Variants in GRIN2B observed in about 807,000 individuals in gnomAD.
GRIN2B encodes glutamate ionotropic receptor NMDA type subunit 2B.
Under a neutral mutation model 114.5 loss-of-function variants are expected in GRIN2B, and 5 were observed. The ratio of observed to expected loss-of-function variants is 0.04; its 90% confidence interval spans 0.02 to 0.09. GRIN2B has a LOEUF of 0.09. Ranked by LOEUF, GRIN2B falls within the 10% of genes least tolerant of loss-of-function variation. The probability of loss-of-function intolerance (pLI) is 1.00; values close to 1 mark genes in which losing one functional copy is unlikely to be tolerated. For synonymous variants in GRIN2B, 787 were observed against 745.1 expected (o/e 1.06, Z -0.92); for missense variants, 1,108 against 1,943.5 (o/e 0.57, Z 8.08).
At chr12:13,907,815 C>G (rs1176286916) in intron 2 of GRIN2B, among the ~76,000 whole-genome samples, 1 of 151,870 alleles carries the variant, frequency 6.6e-6, no homozygotes, top group African/African-American at 2.4e-5. Context: ...TGAACAAGAG[C>G]TCAAGACATG....
intron 10 of GRIN2B, among the ~76,000 whole-genome samples, chr12:13,606,691 G>A (rs1949253605): frequency 6.6e-6 from 1 of 152,144 alleles, no homozygotes; most frequent in African/African-American, 2.4e-5. Context: ...TACAGAAACA[G>A]TCACCAAAAG....
At chr12:13,719,529 A>G (rs1461318606) in intron 4 of GRIN2B, among the ~76,000 whole-genome samples, 1 of 152,072 alleles carries the variant, frequency 6.6e-6, no homozygotes, top group African/African-American at 2.4e-5. Flanking sequence ...AACACTGATT[A>G]CCACCATGAG....
At chr12:13,820,913 T>A (rs1864922402) in intron 3 of GRIN2B, among the ~76,000 whole-genome samples, 1 of 152,164 alleles carries the variant, frequency 6.6e-6, no homozygotes, top group African/African-American at 2.4e-5. Flanking sequence ...TTCCCCCTTT[T>A]GAATTCTACT....
chr12:13,567,913 A>ATCT (rs1210612064), intron 12 of GRIN2B, among the ~76,000 whole-genome samples: 6 of 152,172 alleles, frequency 3.9e-5, no homozygotes, highest in East Asian at 1.9e-4. Flanking sequence ...GACAGTGGGG[A>ATCT]ATAACATAAT....
At chr12:13,873,839 G>T (rs1933434260) in intron 2 of GRIN2B, among the ~76,000 whole-genome samples, 1 of 152,176 alleles carries the variant, frequency 6.6e-6, no homozygotes, top group Admixed American at 6.5e-5. Flanking sequence ...TAGTCCTGCA[G>T]AGAATTAACC....
intron 3 of GRIN2B, among the ~76,000 whole-genome samples, chr12:13,838,211 C>T (rs1377249277): frequency 4.6e-5 from 7 of 152,096 alleles, no homozygotes; most frequent in Admixed American, 2.0e-4. Context: ...GTTTAACAAA[C>T]ACTACTTAAA....
intron 2 of GRIN2B, among the ~76,000 whole-genome samples, chr12:13,866,582 G>C (rs1276877500): frequency 6.6e-6 from 1 of 152,280 alleles, no homozygotes; most frequent in East Asian, 1.9e-4. Flanking sequence ...CCCTTGTACT[G>C]TTCTTGGGCT....
intron 2 of GRIN2B, among the ~76,000 whole-genome samples, chr12:13,869,195 T>C (rs1473991020): frequency 1.3e-5 from 2 of 152,164 alleles, no homozygotes; most frequent in Admixed American, 6.5e-5. Flanking sequence ...TCAGTAATTA[T>C]TGAGCACTTA....
intron 4 of GRIN2B, among the ~76,000 whole-genome samples, chr12:13,694,688 T>TATAA: frequency 7.8e-6 from 1 of 128,704 alleles, no homozygotes; most frequent in Admixed American, 7.8e-5. Context: ...TATATATATA[T>TATAA]ATATATATAT....
At chr12:13,668,005 TA>T (rs1949993352) in intron 5 of GRIN2B, among the ~76,000 whole-genome samples, 1 of 152,146 alleles carries the variant, frequency 6.6e-6, no homozygotes, top group African/African-American at 2.4e-5. Context: ...AAAAGCATTG[TA>T]AAATAAAAAT....
rs145757547 is a variant in GRIN2B, at chr12:13,678,223, T to C, written c.1011-2364A>G. Among the ~76,000 whole-genome samples the C allele has an allele frequency of 4.7e-3, 711 of 152,294 alleles. 7 individuals are homozygous for C. Among genetic ancestry groups the C allele is most frequent in the African/African-American group, 0.016 (674 of 41,576 alleles). On this transcript the variant is annotated intron_variant, in intron 4 of 13. Coordinates refer to ENST00000609686, the MANE Select transcript of GRIN2B (RefSeq NM_000834.5). Reference sequence around the variant, plus strand: ...TGAACATTGCTAAGTGAAAATGCTATATAAACTGCATGCATTTTACAAATG... The same window carrying C: ...TGAACATTGCTAAGTGAAAATGCTACATAAACTGCATGCATTTTACAAATG...
intron 10 of GRIN2B, among the ~76,000 whole-genome samples, chr12:13,599,343 G>A (rs1949122200): frequency 6.6e-6 from 1 of 152,080 alleles, no homozygotes; most frequent in African/African-American, 2.4e-5. Flanking sequence ...TTCCACTCTT[G>A]CCACCATTAC....
At chr12:13,698,500 T>G (rs1169026671) in intron 4 of GRIN2B, among the ~76,000 whole-genome samples, 1 of 152,034 alleles carries the variant, frequency 6.6e-6, no homozygotes, top group Non-Finnish European at 1.5e-5. Flanking sequence ...TGGCAGAAAA[T>G]ATTCAAAAAA....
intron 3 of GRIN2B, among the ~76,000 whole-genome samples, chr12:13,778,024 G>A (rs897958910): frequency 1.3e-5 from 2 of 152,174 alleles, no homozygotes; most frequent in African/African-American, 4.8e-5. Flanking sequence ...TCTACCTGTT[G>A]CATCCATTCT....
chr12:13,748,579 C>T (rs113412861), intron 4 of GRIN2B, among the ~76,000 whole-genome samples: 246 of 152,278 alleles, frequency 1.6e-3, no homozygotes, highest in African/African-American at 5.8e-3. Context: ...CGTTTTTAGA[C>T]TTTTCTCAGG....
At chr12:13,805,677 G>A (rs543116895) in intron 3 of GRIN2B, among the ~76,000 whole-genome samples, 1 of 152,178 alleles carries the variant, frequency 6.6e-6, no homozygotes, top group East Asian at 1.9e-4. Context: ...TTACATTGTG[G>A]AATGTCTAAA....
At chr12:13,958,317 G>C (rs895107428) in intron 2 of GRIN2B, among the ~76,000 whole-genome samples, 1 of 152,168 alleles carries the variant, frequency 6.6e-6, no homozygotes, top group Non-Finnish European at 1.5e-5. Context: ...TGGGACCCCG[G>C]AATTCACAAG....
intron 3 of GRIN2B, among the ~76,000 whole-genome samples, chr12:13,765,269 A>G (rs183723567): frequency 1.4e-4 from 21 of 152,386 alleles, no homozygotes; most frequent in Non-Finnish European, 2.6e-4. Flanking sequence ...TCCAGCTCAT[A>G]GTAGGACCAC....
At chr12:13,933,063 C>G (rs890915662) in intron 2 of GRIN2B, among the ~76,000 whole-genome samples, 2 of 151,900 alleles carry the variant, frequency 1.3e-5, no homozygotes, top group African/African-American at 4.8e-5. Context: ...CTACAGCTTA[C>G]AGCTCTCACC....
Sources: allele counts gnomAD v4.1 joint callset (sites outside exome capture counted in the v4.1 genomes callset), GRCh38; gene constraint gnomAD v4.1.1; transcripts MANE v1.5; gene names NCBI Gene and HGNC (gene_info 2026-07-23, HGNC 2026-07-21).